Variants in WNT3A observed in about 807,000 individuals in gnomAD.
WNT3A encodes Wnt family member 3A.
Under a neutral mutation model 37.0 loss-of-function variants are expected in WNT3A, and 17 were observed. The ratio of observed to expected loss-of-function variants is 0.46; its 90% CI spans 0.31 to 0.69. The LOEUF (loss-of-function observed/expected upper bound fraction) is 0.69. Among genes scored for constraint, WNT3A ranks in the 30% least tolerant of loss-of-function variants. The pLI is 0.05. For synonymous variants in WNT3A, 187 were observed against 211.0 expected, an observed-to-expected ratio of 0.89 and a Z score of 0.99; for missense variants, 411 against 510.2, an observed-to-expected ratio of 0.81 and a Z score of 1.87.
chr1:228,059,818 C>T lies in WNT3A; in HGVS notation c.*353C>T. On this transcript the variant is annotated 3_prime_UTR_variant, in exon 4 of 4. Transcript: ENST00000284523. ...TGGGACAGGGCTTCTCCTGCGGGGG[C>T]GAGGCCCCTCCCAGTAAGGGCGTGG... is the stretch of plus-strand genomic sequence containing the variant. 1 of 1,076,686 alleles carries T rather than the reference C, an allele frequency of 9.3e-7. No homozygotes were observed. The highest frequency in any genetic ancestry group is 1.1e-6 in the Non-Finnish European group (1 of 888,824). 66.7% of individuals were successfully genotyped at this position (1,076,686 alleles called of 1,614,324 possible).
Position 228,050,820 on chromosome 1 carries a change from G to A in WNT3A, c.478G>A (p.Glu160Lys), listed in dbSNP as rs375627842. The change falls in exon 3 of 4, where the codon GAG (glutamate) becomes AAG (lysine). Residue 160 changes from glutamate to lysine, a missense_variant. Glu to Lys is a moderately conservative substitution (Grantham distance 56, BLOSUM62 1). Transcript: ENST00000284523. The surrounding 1 kb of genome is among the most constrained non-coding windows in gnomAD (Gnocchi z 5.0). The part of the protein sequence containing the change: ...WKWGGCSEDI[E>K]FGGMVSREFA... ...GTGGGGTGGCTGTAGCGAGGACATC[G>A]AGTTTGGTGGGATGGTGTCTCGGGA... 8.7e-6 allele frequency: 14 copies of A among 1,612,684 alleles called. No homozygotes were observed. Among genetic ancestry groups the A allele is most frequent in the African/African-American group, 6.7e-5 (5 of 74,880 alleles).
At chr1:228,049,172 T>C (rs2031489478) in intron 2 of WNT3A, among the ~76,000 whole-genome samples, 1 of 152,112 alleles carries the variant, frequency 6.6e-6, no homozygotes, top group African/African-American at 2.4e-5. Flanking sequence ...AAGAGGCAGC[T>C]GTACCGCTGA....
intron 3 of WNT3A, 138 bp from the exon 4 acceptor site, chr1:228,058,848 G>C (rs755835239): frequency 1.1e-6 from 1 of 871,478 alleles, no homozygotes; most frequent in African/African-American, 1.7e-5. Context: ...GGTGGCCCTG[G>C]GGCCCTGCCT....
At chr1:228,036,408 C>T (rs1320140945) in intron 2 of WNT3A, among the ~76,000 whole-genome samples, 2 of 152,066 alleles carry the variant, frequency 1.3e-5, no homozygotes, top group Non-Finnish European at 2.9e-5. Context: ...TGAGTGTGAA[C>T]ATATGAAGGA....
chr1:228,038,192 C>T lies in WNT3A; in HGVS notation c.314-12464C>T, dbSNP rs1282770077. 6.6e-6 allele frequency among the ~76,000 whole-genome samples: 1 copy of T among 152,048 alleles called. No homozygotes were observed. The highest frequency in any genetic ancestry group is 2.4e-5 in the African/African-American group (1 of 41,420). ...ATGATTACCAAATGCCACCGCGACA[C>T]CCCCTCCCGGCCGCCTGGCTCCTCC... On this transcript the variant is annotated intron_variant, in intron 2 of 3. Transcript: ENST00000284523. The surrounding 1 kb of genome is among the most constrained non-coding windows in gnomAD (Gnocchi z 5.7).
At chr1:228,012,168 A>T (rs1289401671) in intron 1 of WNT3A, among the ~76,000 whole-genome samples, 2 of 152,172 alleles carry the variant, frequency 1.3e-5, no homozygotes, top group African/African-American at 4.8e-5. Flanking sequence ...CACTTCTTCC[A>T]CTGGGTCCCT....
rs1457151330 is a variant in WNT3A at position 228,042,867 on chromosome 1, G to A, written c.314-7789G>A. On this transcript the variant is annotated intron_variant, in intron 2 of 3. Coordinates refer to ENST00000284523, the MANE Select transcript of WNT3A (RefSeq NM_033131.4). This position sits in a 1 kb window ranked among gnomAD's most constrained non-coding sequence, Gnocchi z 5.2. ...GACAGATGATGGGTGATGGGTGGAT[G>A]GATAGATGGGTGGTGGATGGTGGAT... Among the ~76,000 whole-genome samples the A allele has an allele frequency of 3.3e-5, 5 of 151,666 alleles. No homozygotes were observed. Among genetic ancestry groups the A allele is most frequent in the Non-Finnish European group, 7.4e-5 (5 of 67,870 alleles).
At chr1:228,030,101 T>G (rs1468978498) in intron 2 of WNT3A, among the ~76,000 whole-genome samples, 4 of 150,788 alleles carry the variant, frequency 2.7e-5, no homozygotes, top group Non-Finnish European at 4.4e-5. Flanking sequence ...AATATAAAAA[T>G]AAAAATAAAT....
intron 2 of WNT3A, among the ~76,000 whole-genome samples, chr1:228,033,311 T>G (rs886683010): frequency 3.9e-5 from 6 of 152,042 alleles, no homozygotes; most frequent in African/African-American, 1.5e-4. Context: ...GTTTTAGCGT[T>G]TTAGTGCTTA....
At chr1:228,055,703 T>G (rs996261355) in intron 3 of WNT3A, among the ~76,000 whole-genome samples, 5 of 152,200 alleles carry the variant, frequency 3.3e-5, no homozygotes, top group African/African-American at 1.2e-4. Flanking sequence ...AGTCTAGGAA[T>G]TCCTAGTGTC....
At chr1:228,047,870 G>C (rs901657077) in intron 2 of WNT3A, among the ~76,000 whole-genome samples, 3 of 151,992 alleles carry the variant, frequency 2.0e-5, no homozygotes, top group African/African-American at 7.3e-5. Context: ...TAATCTCGAG[G>C]ACAGCACCAA....
chr1:228,015,155 A>T (rs2030487778), intron 1 of WNT3A, among the ~76,000 whole-genome samples: 1 of 152,232 alleles, frequency 6.6e-6, no homozygotes, highest in African/African-American at 2.4e-5. Context: ...AAAACTCACT[A>T]AGCATCATCT....
At chr1:228,015,570 C>A (rs771674765) in intron 1 of WNT3A, among the ~76,000 whole-genome samples, 1 of 152,128 alleles carries the variant, frequency 6.6e-6, no homozygotes, top group African/African-American at 2.4e-5. Flanking sequence ...AGCCTCTCCC[C>A]GGGGACTGGG....
intron 2 of WNT3A, among the ~76,000 whole-genome samples, chr1:228,030,192 C>T (rs892569743): frequency 6.6e-6 from 1 of 151,808 alleles, no homozygotes; most frequent in Non-Finnish European, 1.5e-5. Context: ...GTCAGGAGTT[C>T]GAGACCAGCC....
At chr1:228,032,727 T>A (rs2031042335) in intron 2 of WNT3A, among the ~76,000 whole-genome samples, 1 of 152,234 alleles carries the variant, frequency 6.6e-6, no homozygotes, top group Admixed American at 6.5e-5. Flanking sequence ...AACTCCATGC[T>A]TAACTTTTTG....
In WNT3A at chr1:228,008,422, G is replaced by T. The variant is rs2030269649; in HGVS notation, c.71+1223G>T. Among the ~76,000 whole-genome samples the T allele has an allele frequency of 6.6e-6, 1 of 152,246 alleles. No homozygotes were observed. Among genetic ancestry groups the T allele is most frequent in the Non-Finnish European group, 1.5e-5 (1 of 68,036 alleles). On this transcript the variant is annotated intron_variant, in intron 1 of 3. Coordinates refer to ENST00000284523, the MANE Select transcript of WNT3A (RefSeq NM_033131.4). This position sits in a 1 kb window ranked among gnomAD's most constrained non-coding sequence, Gnocchi z 4.9. ...AGGAGCGGGGGCTCCCGCGGTAGGG[G>T]CGCCGGGCCAGGAGCAGCGGGGAGG...
intron 2 of WNT3A, among the ~76,000 whole-genome samples, chr1:228,026,491 G>C (rs1458717805): frequency 6.6e-6 from 1 of 152,014 alleles, no homozygotes; most frequent in East Asian, 1.9e-4. Context: ...TAACTTTTGG[G>C]ATACAAGTGT....
chr1:228,054,582 C>T (rs1401827706), intron 3 of WNT3A, among the ~76,000 whole-genome samples: 18 of 145,362 alleles, frequency 1.2e-4, no homozygotes, highest in Admixed American at 8.3e-4. Context: ...GAGCCAAGAT[C>T]GCACCACTGC....
chr1:228,047,747 G>A (rs918115195), intron 2 of WNT3A, among the ~76,000 whole-genome samples: 3 of 152,136 alleles, frequency 2.0e-5, no homozygotes, highest in South Asian at 2.1e-4. Flanking sequence ...CAATCATGGC[G>A]GAAGGCAAAG....
Sources: allele counts gnomAD v4.1 joint callset (sites outside exome capture counted in the v4.1 genomes callset), GRCh38; gene constraint gnomAD v4.1.1; non-coding constraint Gnocchi (gnomAD v3.1); transcripts MANE v1.5; gene names NCBI Gene and HGNC (gene_info 2026-07-23, HGNC 2026-07-21).